Variants in DPEP1 observed in about 807,000 individuals in gnomAD.
DPEP1 encodes the protein beta-lactamase.
In DPEP1, 50 loss-of-function variants were observed where a neutral mutation model predicts 42.3. That is an observed-to-expected ratio of 1.18 (90% CI 0.94 to 1.50). DPEP1 has a LOEUF of 1.50. Among genes scored for constraint, DPEP1 ranks in the 40% most tolerant of loss-of-function variants. The pLI is 0.00. For synonymous variants in DPEP1, 297 were observed against 234.0 expected, an observed-to-expected ratio of 1.27 and a Z score of -2.46; for missense variants, 663 against 553.0, an observed-to-expected ratio of 1.20 and a Z score of -1.99.
At position 89,636,004 on chromosome 16, in the gene DPEP1, C is replaced by T; in HGVS notation, c.201C>T (p.Asn67=). The part of the protein sequence containing the change: ...NLTTLAGTHT[N]IPKLRAGFVG... ...CCACCTTGGCCGGCACACACACCAA[C>T]ATCCCCAAGCTGAGGGCCGGCTTTG... Residue 67 remains asparagine (N), a synonymous_variant, in exon 3 of 11, where the codon AAC becomes AAT. Coordinates refer to ENST00000690203, the MANE Select transcript of DPEP1 (RefSeq NM_001389466.1). 1 of 1,612,156 alleles carries T rather than the reference C, an allele frequency of 6.2e-7. No individual in the cohort carries two copies. Among genetic ancestry groups the T allele is most frequent in the Non-Finnish European group, 8.5e-7 (1 of 1,179,676 alleles).
downstream of DPEP1, among the ~76,000 whole-genome samples, chr16:89,641,335 C>T (rs74768453): frequency 5.0e-3 from 768 of 152,244 alleles, 5 homozygotes; most frequent in African/African-American, 0.018. Flanking sequence ...GTAACGGGTG[C>T]CTTCCCCAGG....
chr16:89,633,658 C>T (rs571709927), intron 2 of DPEP1, among the ~76,000 whole-genome samples: 42 of 152,356 alleles, frequency 2.8e-4, no homozygotes, highest in African/African-American at 1.0e-3. Context: ...GAAACTGAGA[C>T]ACAGAGGGAG....
chr16:89,640,667 C>T (rs576520382), downstream of DPEP1: 43 of 981,536 alleles, frequency 4.4e-5, no homozygotes, highest in African/African-American at 1.2e-4. Context: ...TGGCGTTTTC[C>T]GTCTGGGATT....
rs58173717 is a variant in DPEP1 at position 89,614,273 on chromosome 16, C to A, written c.-107+554C>A. Reference sequence around the variant, plus strand: ...CCGCTTGTCCACTGTGCCGGCTGTTCCTTCCTTGTGGCGCCCAGTGCGGTC... The same window carrying A: ...CCGCTTGTCCACTGTGCCGGCTGTTACTTCCTTGTGGCGCCCAGTGCGGTC... On this transcript the variant is annotated intron_variant, in intron 1 of 10. Transcript: ENST00000690203. Among the ~76,000 whole-genome samples the A allele has an allele frequency of 6.1e-3, 930 of 152,274 alleles. 8 individuals carry two copies. Among genetic ancestry groups the A allele is most frequent in the African/African-American group, 0.021 (886 of 41,554 alleles).
At chr16:89,621,433 G>C (rs1310141901) in intron 1 of DPEP1, among the ~76,000 whole-genome samples, 1 of 152,188 alleles carries the variant, frequency 6.6e-6, no homozygotes, top group Non-Finnish European at 1.5e-5. Flanking sequence ...GGGGCCTGTG[G>C]ACTCCCCCAG....
intron 6 of DPEP1, 95 bp from the exon 7 acceptor site, chr16:89,637,109 C>T (rs1423860323): frequency 4.5e-6 from 7 of 1,539,792 alleles, no homozygotes; most frequent in Non-Finnish European, 6.1e-6. Context: ...GACTTCCAGC[C>T]ACGAAGGATG....
intron 1 of DPEP1, among the ~76,000 whole-genome samples, chr16:89,618,854 G>C (rs1431399823): frequency 6.6e-6 from 1 of 151,874 alleles, no homozygotes; most frequent in East Asian, 1.9e-4. Flanking sequence ...GTTTTATTTT[G>C]CTCTTTACGT....
intron 1 of DPEP1, among the ~76,000 whole-genome samples, chr16:89,622,889 G>C (rs1008458733): frequency 6.6e-6 from 1 of 152,174 alleles, no homozygotes; most frequent in Admixed American, 6.5e-5. Context: ...GTGTGTCTGT[G>C]AGGAGGACTA....
intron 1 of DPEP1, among the ~76,000 whole-genome samples, chr16:89,629,513 C>G (rs1166238164): frequency 6.6e-6 from 1 of 151,264 alleles, no homozygotes; most frequent in Non-Finnish European, 1.5e-5. Flanking sequence ...CCCCCCACCC[C>G]CCCCCGAAGC....
chr16:89,636,001 C>T lies in DPEP1; in HGVS notation c.198C>T (p.Thr66=), dbSNP rs559538869. 1.9e-6 allele frequency: 3 copies of T among 1,612,188 alleles called. No homozygotes were observed. Among genetic ancestry groups the T allele is most frequent in the Admixed American group, 1.7e-5 (1 of 59,914 alleles). Residue 66 remains threonine (T), a synonymous_variant, in exon 3 of 11, where the codon ACC becomes ACT. Coordinates refer to ENST00000690203, the MANE Select transcript of DPEP1 (RefSeq NM_001389466.1). ...TGACCACCTTGGCCGGCACACACACCAACATCCCCAAGCTGAGGGCCGGCT... is the reference window on the plus strand; with the variant it reads ...TGACCACCTTGGCCGGCACACACACTAACATCCCCAAGCTGAGGGCCGGCT... ...ANLTTLAGTH[T]NIPKLRAGFV... is the part of the protein sequence containing the mutation.
intron 1 of DPEP1, among the ~76,000 whole-genome samples, chr16:89,616,162 GC>G (rs1264849448): frequency 6.6e-6 from 1 of 151,634 alleles, no homozygotes; most frequent in African/African-American, 2.4e-5. Flanking sequence ...GGCTTCGGGG[GC>G]TGGGCTGGGG....
intron 1 of DPEP1, among the ~76,000 whole-genome samples, chr16:89,628,491 C>T (rs2059545950): frequency 6.9e-6 from 1 of 144,680 alleles, no homozygotes; most frequent in Non-Finnish European, 1.5e-5. Flanking sequence ...CTCCTGACCT[C>T]AGGTGATCCG....
At chr16:89,641,148 A>G (rs2059739705), downstream of DPEP1, among the ~76,000 whole-genome samples, 1 of 152,242 alleles carries the variant, frequency 6.6e-6, no homozygotes. Flanking sequence ...TGGGTGGAAC[A>G]TGAAGGCGGA....
At chr16:89,639,718 C>T (rs1008620102), downstream of DPEP1, among the ~76,000 whole-genome samples, 3 of 151,964 alleles carry the variant, frequency 2.0e-5, no homozygotes, top group Non-Finnish European at 2.9e-5. Context: ...TGGAATCTCG[C>T]TCCGTCACCC....
chr16:89,637,184 A>AC lies in DPEP1; in HGVS notation c.592-19dup, dbSNP rs1176029448. ...CCGACCCTGGGGGCTGTGAGGGTGG[A>AC]CGGAGCCCTGTCTTCCCAGCGTGTG... On this transcript the variant is annotated intron_variant, in intron 6 of 10. Transcript: ENST00000690203. 5 of 1,607,360 alleles carry AC rather than the reference A, an allele frequency of 3.1e-6. No individual in the cohort carries two copies. Among genetic ancestry groups the AC allele is most frequent in the Admixed American group, 1.7e-5 (1 of 59,630 alleles).
downstream of DPEP1, chr16:89,640,706 C>A: frequency 1.1e-6 from 1 of 913,520 alleles, no homozygotes; most frequent in Non-Finnish European, 1.3e-6. Flanking sequence ...TGGTGGGCTG[C>A]AAGGGTATTA....
At chr16:89,625,096 G>C (rs868289330) in intron 1 of DPEP1, among the ~76,000 whole-genome samples, 1 of 152,144 alleles carries the variant, frequency 6.6e-6, no homozygotes, top group African/African-American at 2.4e-5. Flanking sequence ...TTGGCCCTGG[G>C]TTCCCTGCCC....
Position 89,637,633 on chromosome 16 carries a change from C to T in DPEP1, c.855C>T (p.Asp285=), listed in dbSNP as rs146407900. 8.7e-6 allele frequency: 14 copies of T among 1,612,808 alleles called. No homozygotes were observed. Among genetic ancestry groups the T allele is most frequent in the African/African-American group, 1.3e-5 (1 of 74,936 alleles). The change falls in exon 9 of 11, where the codon GAC becomes GAT. Residue 285 remains aspartate, a splice_region_variant and synonymous_variant. Transcript: ENST00000690203. The part of the protein sequence containing the change: ...TNKANLSQVA[D]HLDHIKEVAG... ...CCATACCTGCTGCTCCCTGGACAGACCATCTGGATCACATCAAGGAGGTGG... is the reference window on the plus strand; with the variant it reads ...CCATACCTGCTGCTCCCTGGACAGATCATCTGGATCACATCAAGGAGGTGG...
intron 1 of DPEP1, among the ~76,000 whole-genome samples, chr16:89,628,809 G>C (rs988048739): frequency 6.6e-6 from 1 of 151,792 alleles, no homozygotes; most frequent in African/African-American, 2.4e-5. Context: ...TTGTGGGGGA[G>C]GGGGGGCGGT....
Sources: allele counts gnomAD v4.1 joint callset (sites outside exome capture counted in the v4.1 genomes callset), GRCh38; gene constraint gnomAD v4.1.1; transcripts MANE v1.5; gene names NCBI Gene and HGNC (gene_info 2026-07-23, HGNC 2026-07-21).